ALDH1L2: variants seen among roughly 807,000 people sequenced by gnomAD.
The protein encoded by ALDH1L2 is aldehyde dehydrogenase 1 family member L2.
Under a neutral mutation model 111.0 loss-of-function variants are expected in ALDH1L2, and 91 were observed. The observed-to-expected ratio is 0.82, with a 90% CI of 0.69 to 0.98. ALDH1L2 has a LOEUF of 0.98. Among genes scored for constraint, ALDH1L2 ranks in the 50% least tolerant of loss-of-function variants. The pLI is 0.00. For synonymous variants in ALDH1L2, 374 were observed against 392.6 expected, an observed-to-expected ratio of 0.95 and a Z score of 0.56; for missense variants, 995 against 1,126.8, an observed-to-expected ratio of 0.88 and a Z score of 1.67.
At chr12:105,025,697 G>T (rs949099315) in intron 22 of ALDH1L2, among the ~76,000 whole-genome samples, 3 of 152,174 alleles carry the variant, frequency 2.0e-5, no homozygotes, top group Admixed American at 2.0e-4. Context: ...ACTTATATTT[G>T]CAGACTGTAA....
In ALDH1L2 at chr12:105,047,084, GCGTT is replaced by G. The variant is rs977441687; in HGVS notation, c.1687-119_1687-116del. On this transcript the variant is annotated intron_variant, in intron 13 of 22. Coordinates refer to ENST00000258494, the MANE Select transcript of ALDH1L2 (RefSeq NM_001034173.4). Reference sequence around the variant, plus strand: ...CTTTTTGTTAGCTGATATGAAAAGAGCGTTTGTTGATAAGAACTATATTCATGCC... The same window carrying G: ...CTTTTTGTTAGCTGATATGAAAAGAGTGTTGATAAGAACTATATTCATGCC... 5.0e-6 allele frequency: 6 copies of G among 1,196,078 alleles called. No homozygotes were observed. In the African/African-American group the frequency reaches 7.7e-5, roughly 15 times the overall value. The allele number at this position is 1,196,078 out of a possible 1,614,324, so 74.1% of individuals were successfully genotyped here. A position where few individuals can be genotyped will look rare whatever the true frequency, so the allele number is the denominator to read the frequency against.
chr12:105,030,002 A>T (rs1702674806), intron 21 of ALDH1L2: 2 of 170,388 alleles, frequency 1.2e-5, no homozygotes, highest in Non-Finnish European at 2.5e-5. Context: ...ATACCCTAGG[A>T]ATTTAAATGT....
chr12:105,038,125 TCA>T lies in ALDH1L2; in HGVS notation c.2121_2122del (p.Cys707Ter). Reference sequence around the variant, plus strand: ...TACCATTCGCACAGCCTTGTCAAGTTCACAGTCATTAAATATTATAAGTGGAG... The same window carrying T: ...TACCATTCGCACAGCCTTGTCAAGTTCAGTCATTAAATATTATAAGTGGAG... On this transcript the variant is annotated stop_gained and frameshift_variant, in exon 18 of 23. Coordinates refer to ENST00000258494, the MANE Select transcript of ALDH1L2 (RefSeq NM_001034173.4). LOFTEE classifies it high-confidence loss of function. 1 of 1,613,688 alleles carries T rather than the reference TCA, an allele frequency of 6.2e-7. No homozygotes were observed. The highest frequency in any genetic ancestry group is 8.5e-7 in the Non-Finnish European group (1 of 1,179,766).
In ALDH1L2 at chr12:105,046,901, G is replaced by T. The variant is rs757516453; in HGVS notation, c.1755C>A (p.Leu585=). The T allele has an allele frequency of 2.5e-6, 4 of 1,613,842 alleles. No homozygotes were observed. Among genetic ancestry groups the T allele is most frequent in the Non-Finnish European group, 3.4e-6 (4 of 1,179,888 alleles). The change falls in exon 14 of 23, where the codon CTC becomes CTA. Residue 585 remains leucine, a splice_region_variant and synonymous_variant. Transcript: ENST00000258494. ...CAGAGGCACTCTCCTTATCTTACCC[G>T]AGTGGCTCTTTCTTGGTGAAGGTCA... ...RNLTFTKKEP[L]GVCAIIIPWN...
chr12:105,040,917 C>T (rs548786296), intron 15 of ALDH1L2, among the ~76,000 whole-genome samples: 2 of 152,272 alleles, frequency 1.3e-5, no homozygotes, highest in African/African-American at 4.8e-5. Flanking sequence ...CATTTTACTG[C>T]ATTTGCTTTA....
chr12:105,030,206 T>C (rs1874624809), intron 21 of ALDH1L2, 118 bp downstream of exon 21: 2 of 591,270 alleles, frequency 3.4e-6, no homozygotes, highest in Non-Finnish European at 5.3e-6. Flanking sequence ...AGTTAATTAT[T>C]CTTATGGTAG....
At chr12:105,038,980 AG>A (rs1875357298) in intron 17 of ALDH1L2, among the ~76,000 whole-genome samples, 1 of 152,212 alleles carries the variant, frequency 6.6e-6, no homozygotes, top group African/African-American at 2.4e-5. Flanking sequence ...TTCTTACAAA[AG>A]TATTTTTATT....
chr12:105,034,508 G>GA, intron 18 of ALDH1L2, 110 bp from the exon 19 acceptor site: 1 of 867,176 alleles, frequency 1.2e-6, no homozygotes. Context: ...AGGCAATATA[G>GA]ATAAGTCACA....
In ALDH1L2 at chr12:105,019,893, G is replaced by A. The variant is rs1874077852; in HGVS notation, c.*4531C>T. ...GTATTATGTTAATTATGTAAAAAAA[G>A]TATACATATTCATAGAAAAAGTTTG... On this transcript the variant is annotated 3_prime_UTR_variant, in exon 23 of 23. Transcript: ENST00000258494. The A allele has an allele frequency of 6.6e-6, 1 of 152,134 alleles. No homozygotes were observed. Among genetic ancestry groups the A allele is most frequent in the African/African-American group, 2.4e-5 (1 of 41,414 alleles). The allele number at this position is 152,134 out of a possible 1,614,324, so 9.4% of individuals were successfully genotyped here.
rs1264394571 is a variant in ALDH1L2 at position 105,020,772 on chromosome 12, T to TATGG, written c.*3648_*3651dup. 6.6e-6 allele frequency: 1 copy of TATGG among 152,164 alleles called. No homozygotes were observed. Among genetic ancestry groups the TATGG allele is most frequent in the Admixed American group, 6.5e-5 (1 of 15,272 alleles). The allele number at this position is 152,164 out of a possible 1,614,324, so 9.4% of individuals were successfully genotyped here. On this transcript the variant is annotated 3_prime_UTR_variant, in exon 23 of 23. Transcript: ENST00000258494. ...TGAGCCAGCCAGCCATGAGGTTGTGTATGGACAAGAGTTGCAGGAAGAGGC... is the reference window on the plus strand; with the variant it reads ...TGAGCCAGCCAGCCATGAGGTTGTGTATGGATGGACAAGAGTTGCAGGAAGAGGC...
At chr12:105,048,267 T>C (rs1876034176) in intron 13 of ALDH1L2, 1 of 152,218 alleles carries the variant, frequency 6.6e-6, no homozygotes, top group African/African-American at 2.4e-5. Context: ...AGTAAGGTTC[T>C]GAGAGAGAAA....
intron 12 of ALDH1L2, 62 bp from the exon 13 acceptor site, chr12:105,050,120 T>C: frequency 1.4e-6 from 2 of 1,440,632 alleles, no homozygotes; most frequent in Non-Finnish European, 1.9e-6. Context: ...TCACATATAA[T>C]GCAGTATCCT....
At chr12:105,036,090 ATT>A (rs1491183942) in intron 18 of ALDH1L2, among the ~76,000 whole-genome samples, 22 of 75,064 alleles carry the variant, frequency 2.9e-4, no homozygotes, top group Non-Finnish European at 4.3e-4. Context: ...ATGTGTATAT[ATT>A]ATATATACGT....
chr12:105,022,070 C>T lies in ALDH1L2; in HGVS notation c.*2354G>A, dbSNP rs747841795. ...TAGCAAAATAATCCGTGATCTAAAG[C>T]AACAGCGATGATTTTATTACTCTAT... On this transcript the variant is annotated 3_prime_UTR_variant, in exon 23 of 23. Transcript: ENST00000258494. 6.6e-6 allele frequency: 1 copy of T among 152,292 alleles called. No individual in the cohort carries two copies. The highest frequency in any genetic ancestry group is 3.4e-3 in the Middle Eastern group (1 of 294). 9.4% of individuals were successfully genotyped at this position (152,292 alleles called of 1,614,324 possible).
At chr12:105,050,186 G>A in intron 12 of ALDH1L2, 128 bp from the exon 13 acceptor site, 6 of 883,306 alleles carry the variant, frequency 6.8e-6, no homozygotes, top group South Asian at 3.3e-5. Context: ...CCCTTATAGA[G>A]ATCATGGTCC....
intron 15 of ALDH1L2, among the ~76,000 whole-genome samples, chr12:105,042,102 T>G (rs1219794466): frequency 1.3e-5 from 2 of 149,898 alleles, no homozygotes; most frequent in African/African-American, 4.9e-5. Context: ...CACGTCTACA[T>G]GTATGTGTGT....
intron 18 of ALDH1L2, 112 bp from the exon 19 acceptor site, chr12:105,034,510 T>A (rs1302568788): frequency 7.1e-6 from 6 of 839,712 alleles, no homozygotes; most frequent in Admixed American, 2.7e-5. Flanking sequence ...GCAATATAGA[T>A]AAGTCACAGA....
At chr12:105,046,418 C>T (rs1167910438) in intron 15 of ALDH1L2, among the ~76,000 whole-genome samples, 1 of 151,098 alleles carries the variant, frequency 6.6e-6, no homozygotes, top group Non-Finnish European at 1.5e-5. Context: ...AATTGTTGGG[C>T]ACTTGGCATT....
At chr12:105,076,136 GT>G (rs1449052261) in intron 1 of ALDH1L2, among the ~76,000 whole-genome samples, 1 of 152,186 alleles carries the variant, frequency 6.6e-6, no homozygotes, top group East Asian at 1.9e-4. Context: ...GGGAGAACAT[GT>G]TTAAAATGTG....
Sources: allele counts gnomAD v4.1 joint callset (sites outside exome capture counted in the v4.1 genomes callset), GRCh38; gene constraint gnomAD v4.1.1; transcripts MANE v1.5; gene names NCBI Gene and HGNC (gene_info 2026-07-23, HGNC 2026-07-21).